PIWIL1: variants seen among roughly 807,000 people sequenced by gnomAD.
The protein encoded by PIWIL1 is piwi-like protein 1.
PIWIL1 carries 73 observed loss-of-function variants against 114.4 expected under a neutral mutation model. That is an observed-to-expected ratio of 0.64 (90% CI 0.53 to 0.78). PIWIL1 has a LOEUF of 0.78. PIWIL1 is among the 30% of genes least tolerant of loss of function. The pLI is 0.00. For synonymous variants in PIWIL1, 375 were observed against 369.0 expected (o/e 1.02, Z -0.19); for missense variants, 723 against 1,063.1 (o/e 0.68, Z 4.45).
downstream of PIWIL1, among the ~76,000 whole-genome samples, chr12:130,377,163 A>G (rs1165613676): frequency 6.6e-6 from 1 of 152,210 alleles, no homozygotes; most frequent in Non-Finnish European, 1.5e-5. Flanking sequence ...TGCTGAGCCC[A>G]TGAGGGCCAG....
chr12:130,383,702 A>G, the PIWIL1 span: 1 of 152,134 alleles, frequency 6.6e-6, no homozygotes, highest in African/African-American at 2.4e-5. Context: ...GTTCTTAGAA[A>G]CCTATCGTGT....
the PIWIL1 span, chr12:130,425,077 C>T: frequency 1.6e-5 from 6 of 384,314 alleles, no homozygotes; most frequent in East Asian, 1.5e-4. Context: ...TGAGGCAGAG[C>T]ACACGCAGAG....
chr12:130,423,455 A>G, the PIWIL1 span, among the ~76,000 whole-genome samples: 5 of 152,234 alleles, frequency 3.3e-5, no homozygotes, highest in Admixed American at 3.3e-4. Flanking sequence ...TGAAAAGGTC[A>G]GCATGACAGG....
At chr12:130,384,506 G>T in the PIWIL1 span, among the ~76,000 whole-genome samples, 1 of 152,148 alleles carries the variant, frequency 6.6e-6, no homozygotes, top group Non-Finnish European at 1.5e-5. Context: ...GGTACAAAAT[G>T]ATGTTCACCC....
At chr12:130,408,975 GTGCACATGTGTCCTCTGCAGGACC>G in the PIWIL1 span, among the ~76,000 whole-genome samples, 1,360 of 152,290 alleles carry the variant, frequency 8.9e-3, 6 homozygotes, top group Non-Finnish European at 0.014. Flanking sequence ...ACACGCCTCT[GTGCACATGTGTCCTCTGCAGGACC>G]TGCACATGTG....
intron 16 of PIWIL1, among the ~76,000 whole-genome samples, chr12:130,361,838 A>C (rs997219401): frequency 6.6e-6 from 1 of 152,154 alleles, no homozygotes. Flanking sequence ...ACATCTTGTT[A>C]AATGTGACTC....
the PIWIL1 span, chr12:130,399,641 C>T: frequency 3.1e-5 from 50 of 1,609,864 alleles, no homozygotes; most frequent in African/African-American, 1.1e-4. Context: ...TATGGCAGAA[C>T]GGGACAGAGA....
chr12:130,349,455 G>A lies in PIWIL1; in HGVS notation c.932+19G>A, dbSNP rs559913359. 9 of 1,529,256 alleles carry A rather than the reference G, an allele frequency of 5.9e-6. No homozygotes were observed. The highest frequency in any genetic ancestry group is 2.3e-5 in the South Asian group (2 of 88,302). 94.7% of individuals were successfully genotyped at this position (1,529,256 alleles called of 1,614,324 possible). On this transcript the variant is annotated intron_variant, in intron 8 of 20. Coordinates refer to ENST00000245255, the MANE Select transcript of PIWIL1 (RefSeq NM_004764.5). ...TTACCAAGTAAGACTGCTTTTTAAA[G>A]TGCACAATAATTTTTTGTGAGTCAA...
chr12:130,397,570 G>A, the PIWIL1 span: 5 of 398,862 alleles, frequency 1.3e-5, no homozygotes, highest in Non-Finnish European at 2.2e-5. Context: ...CAGTGTTACA[G>A]TTTATTGAGT....
At chr12:130,422,536 C>G in the PIWIL1 span, 16 of 1,610,932 alleles carry the variant, frequency 9.9e-6, no homozygotes, top group African/African-American at 2.1e-4. The surrounding 1 kb of genome is among the most constrained non-coding windows in gnomAD (Gnocchi z 5.2). Flanking sequence ...ATCCACCCGT[C>G]CTGCAGAGGC....
chr12:130,394,795 C>T, the PIWIL1 span, among the ~76,000 whole-genome samples: 3 of 140,864 alleles, frequency 2.1e-5, no homozygotes, highest in Admixed American at 7.3e-5. Flanking sequence ...AAAGTGTTAG[C>T]GAGAGGATAG....
intron 14 of PIWIL1, among the ~76,000 whole-genome samples, chr12:130,359,731 C>T (rs2073458935): frequency 6.6e-6 from 1 of 152,120 alleles, no homozygotes; most frequent in African/African-American, 2.4e-5. Flanking sequence ...ATTCCTATTG[C>T]TTTTTATACC....
downstream of PIWIL1, among the ~76,000 whole-genome samples, chr12:130,373,091 G>T (rs994389667): frequency 5.3e-5 from 8 of 152,168 alleles, no homozygotes; most frequent in Admixed American, 5.2e-4. Flanking sequence ...GCTAATAATT[G>T]TTGTTAACAT....
At chr12:130,425,113 C>T in the PIWIL1 span, 1 of 359,812 alleles carries the variant, frequency 2.8e-6, no homozygotes, top group African/African-American at 2.1e-5. Context: ...GGAGCCAGCG[C>T]CATGCATCCA....
chr12:130,417,912 G>T, the PIWIL1 span, among the ~76,000 whole-genome samples: 1 of 152,134 alleles, frequency 6.6e-6, no homozygotes, highest in Admixed American at 6.5e-5. Flanking sequence ...ATCATGGGAG[G>T]TGGTCTCACA....
chr12:130,342,502 G>A, intron 1 of PIWIL1, 78 bp from the exon 2 acceptor site: 1 of 846,266 alleles, frequency 1.2e-6, no homozygotes, highest in Non-Finnish European at 2.0e-6. Context: ...ACTCAAAGAA[G>A]TTTAAAGTAA....
At chr12:130,358,465 C>G (rs2073424585) in intron 14 of PIWIL1, among the ~76,000 whole-genome samples, 1 of 152,116 alleles carries the variant, frequency 6.6e-6, no homozygotes, top group Non-Finnish European at 1.5e-5. Flanking sequence ...ATTTCCTTTT[C>G]TGAACAGATT....
At chr12:130,371,097 AC>A (rs2073805712) in intron 19 of PIWIL1, 78 bp from the exon 20 acceptor site, 1 of 1,184,286 alleles carries the variant, frequency 8.4e-7, no homozygotes, top group African/African-American at 1.5e-5. Flanking sequence ...GAAGAGTGGT[AC>A]AGAGCTTTTC....
Position 130,367,268 on chromosome 12 carries a change from A to T in PIWIL1, c.2321+10A>T, listed in dbSNP as rs777726076. The T allele has an allele frequency of 4.4e-6, 7 of 1,607,710 alleles. No individual in the cohort carries two copies. The Admixed American group carries it at 1.2e-4, about 27-fold the overall frequency. ...TTACCAGACCAGAATGGTAAGTTCC[A>T]TGTGATGAGCTGAAGGTTGTTTTCT... On this transcript the variant is annotated intron_variant, in intron 19 of 20. Coordinates refer to ENST00000245255, the MANE Select transcript of PIWIL1 (RefSeq NM_004764.5).
Sources: gnomAD v4.1 joint callset for allele counts (sites outside exome capture counted in the v4.1 genomes callset) on GRCh38, gnomAD v4.1.1 for gene constraint, Gnocchi (gnomAD v3.1) non-coding constraint, MANE v1.5 for transcripts, NCBI Gene and HGNC (gene_info 2026-07-23, HGNC 2026-07-21) for gene names.